The following LCK variants were observed in gnomAD, a reference collection of about 807,000 sequenced individuals.
LCK encodes LCK proto-oncogene, Src family tyrosine kinase, also known as tyrosine-protein kinase Lck.
A neutral mutation model predicts 64.6 loss-of-function variants in LCK; 14 were observed. That is an observed-to-expected ratio of 0.22 (90% CI 0.14 to 0.34). LCK has a LOEUF of 0.34. Ranked by LOEUF, LCK falls within the 10% of genes least tolerant of loss-of-function variation. LCK has a pLI of 1.00. For missense variants in LCK, 434 were observed against 668.1 expected (o/e 0.65, Z 3.86); for synonymous variants, 277 against 263.6 (o/e 1.05, Z -0.49).
In LCK at chr1:32,285,720, G is replaced by A; in HGVS notation, c.*4G>A. The A allele has an allele frequency of 6.3e-7, 1 of 1,581,694 alleles. No individual in the cohort carries two copies. The highest frequency in any genetic ancestry group is 8.6e-7 in the Non-Finnish European group (1 of 1,163,714). On this transcript the variant is annotated 3_prime_UTR_variant, in exon 13 of 13. Coordinates refer to ENST00000336890, the MANE Select transcript of LCK (RefSeq NM_005356.5). The stretch of plus-strand genomic sequence containing the variant: ...CCAGTACCAGCCTCAGCCTTGAGAG[G>A]CCTTGAGAGGCCCTGGGGTTCTCCC...
At chr1:32,271,700 G>C (rs970579196) in intron 1 of LCK, among the ~76,000 whole-genome samples, 3 of 152,158 alleles carry the variant, frequency 2.0e-5, no homozygotes, top group Non-Finnish European at 4.4e-5. Flanking sequence ...TGGAGATTAG[G>C]CTTGCTGGTT....
rs201482516 is a variant in LCK, at chr1:32,284,289, C to A, written c.1328-1225C>A. ...ATATATATCTGTGAGATATATATAT[C>A]TGTGAGATATATATATATCTGTGAG... On this transcript the variant is annotated intron_variant, in intron 12 of 12. Coordinates refer to ENST00000336890, the MANE Select transcript of LCK (RefSeq NM_005356.5). Among the ~76,000 whole-genome samples, 24 of 142,690 alleles carry A rather than the reference C, an allele frequency of 1.7e-4. No homozygotes were observed. The East Asian group carries it at 5.3e-3, about 31-fold the overall frequency. The allele number at this position is 142,690 out of a possible 152,430, so 93.6% of individuals were successfully genotyped here.
rs1321421241 is a variant in LCK at position 32,286,120 on chromosome 1, T to C, written c.*404T>C. ...GTGTGCTCCTCCTTGGTGCCTGGCC[T>C]GGCACACATCAGGAGTTCAATAAAT... On this transcript the variant is annotated 3_prime_UTR_variant, in exon 13 of 13. Transcript: ENST00000336890. 1 of 306,262 alleles carries C rather than the reference T, an allele frequency of 3.3e-6. No homozygotes were observed. The highest frequency in any genetic ancestry group is 6.2e-6 in the Non-Finnish European group (1 of 160,910). The allele number at this position is 306,262 out of a possible 1,614,324, so 19.0% of individuals were successfully genotyped here.
intron 1 of LCK, among the ~76,000 whole-genome samples, chr1:32,260,545 A>G (rs1639741699): frequency 6.6e-6 from 1 of 152,190 alleles, no homozygotes; most frequent in Non-Finnish European, 1.5e-5. Flanking sequence ...TTTGTGCTCT[A>G]CATGTTCAGA....
chr1:32,281,292 CA>C (rs991446557), intron 12 of LCK, among the ~76,000 whole-genome samples: 8 of 142,762 alleles, frequency 5.6e-5, no homozygotes, highest in African/African-American at 1.3e-4. Context: ...AACAAACAAA[CA>C]AAAAAAACAT....
chr1:32,257,235 GTT>G (rs1250027939), intron 1 of LCK, among the ~76,000 whole-genome samples: 1 of 134,646 alleles, frequency 7.4e-6, no homozygotes, highest in African/African-American at 2.7e-5. Flanking sequence ...AGTAAGTCTT[GTT>G]TTTTTTTTTT....
chr1:32,285,887 G>A lies in LCK; in HGVS notation c.*171G>A, dbSNP rs568483781. On this transcript the variant is annotated 3_prime_UTR_variant, in exon 13 of 13. Coordinates refer to ENST00000336890, the MANE Select transcript of LCK (RefSeq NM_005356.5). ...GTCTGTACACGTGTCCTGTAGTTGC[G>A]TGGACTCTGCACATGTCTTGTACAT... The A allele has an allele frequency of 6.0e-5, 40 of 669,138 alleles. No individual in the cohort carries two copies. The highest frequency in any genetic ancestry group is 1.8e-4 in the African/African-American group (10 of 55,792). The allele number at this position is 669,138 out of a possible 1,614,324, so 41.5% of individuals were successfully genotyped here. A position where few individuals can be genotyped will look rare whatever the true frequency, so the allele number is the denominator to read the frequency against.
chr1:32,278,143 C>T (rs1640338424), intron 9 of LCK, among the ~76,000 whole-genome samples: 1 of 152,170 alleles, frequency 6.6e-6, no homozygotes, highest in Non-Finnish European at 1.5e-5. Context: ...TGCACCACTG[C>T]ACTCCAACCT....
rs4012161 is a variant in LCK, at chr1:32,251,894, A to AAGAGAGAGAGAGAG, written c.-6+553_-6+566dup. Among the ~76,000 whole-genome samples the AAGAGAGAGAGAGAG allele has an allele frequency of 1.9e-4, 25 of 132,338 alleles. No individual in the cohort carries two copies. The highest frequency in any genetic ancestry group is 6.0e-4 in the African/African-American group (21 of 35,242). 86.8% of individuals were successfully genotyped at this position (132,338 alleles called of 152,430 possible). On this transcript the variant is annotated intron_variant, in intron 1 of 12. Transcript: ENST00000336890. The surrounding 1 kb of genome is among the most constrained non-coding windows in gnomAD (Gnocchi z 4.0). ...CCCCAGTGACAAGAATCTCCTGAGAAAGAGAGAGAGAGAGAGAGAGAGAGA... is the reference window on the plus strand; with the variant it reads ...CCCCAGTGACAAGAATCTCCTGAGAAAGAGAGAGAGAGAGAGAGAGAGAGAGAGAGAGAGAGAGA...
intron 2 of LCK, 29 bp downstream of exon 2, chr1:32,274,463 G>A: frequency 1.9e-6 from 3 of 1,576,386 alleles, no homozygotes; most frequent in Non-Finnish European, 2.6e-6. Flanking sequence ...GCCTTGGTGA[G>A]GGAGTTGGGT....
In LCK at chr1:32,275,623, C is replaced by T; in HGVS notation, c.432C>T (p.Pro144=). 6.4e-7 allele frequency: 1 copy of T among 1,573,504 alleles called. No individual in the cohort carries two copies. Among genetic ancestry groups the T allele is most frequent in the Non-Finnish European group, 8.6e-7 (1 of 1,159,976 alleles). ...ACGCGGAGCGGCAGCTCCTGGCGCC[C>T]GGGAACACTCACGGCTCCTTCCTCA... ...RKDAERQLLA[P]GNTHGSFLIR... Residue 144 remains proline (P), a synonymous_variant, in exon 6 of 13, where the codon CCC becomes CCT. Coordinates refer to ENST00000336890, the MANE Select transcript of LCK (RefSeq NM_005356.5). The surrounding 1 kb of genome is among the most constrained non-coding windows in gnomAD (Gnocchi z 6.9).
chr1:32,280,437 C>A (rs140531922), intron 12 of LCK, among the ~76,000 whole-genome samples: 21 of 104,832 alleles, frequency 2.0e-4, no homozygotes, highest in Non-Finnish European at 3.6e-4. Flanking sequence ...CTCTTTTTTT[C>A]TTTTTCTTTT....
At position 32,275,943 on chromosome 1, in the gene LCK, G is replaced by T; in HGVS notation, c.511G>T (p.Asp171Tyr). 21 of 1,614,092 alleles carry T rather than the reference G, an allele frequency of 1.3e-5. No individual in the cohort carries two copies. The highest frequency in any genetic ancestry group is 1.8e-5 in the Non-Finnish European group (21 of 1,180,004). The change falls in exon 7 of 13, where the codon GAC (aspartate) becomes TAC (tyrosine). Residue 171 changes from aspartate (D) to tyrosine (Y), a missense_variant. This residue lies in a region of LCK where 233 missense variants were observed against 291.2 expected (regional missense o/e 0.80). Coordinates refer to ENST00000336890, the MANE Select transcript of LCK (RefSeq NM_005356.5). The surrounding 1 kb of genome is among the most constrained non-coding windows in gnomAD (Gnocchi z 6.9). ...GSFSLSVRDF[D>Y]QNQGEVVKHY... ...GTTTTCACTGTCGGTCCGGGACTTC[G>T]ACCAGAACCAGGGAGAGGTGGTGAA...
Position 32,279,923 on chromosome 1 carries a change from C to T in LCK, c.1124C>T (p.Thr375Ile), listed in dbSNP as rs1640399752. Residue 375 changes from threonine (T) to isoleucine (I), a missense_variant, in exon 11 of 13, where the codon ACC (threonine) becomes ATC (isoleucine). Around this residue, in one of 2 missense-constraint regions of LCK, gnomAD observed 201 missense variants for 376.9 expected, o/e 0.53. Coordinates refer to ENST00000336890, the MANE Select transcript of LCK (RefSeq NM_005356.5). The part of the protein sequence containing the change: ...LRAANILVSD[T>I]LSCKIADFGL... Reference sequence around the variant, plus strand: ...GCTGCCAACATTCTGGTGTCTGACACCCTGAGCTGCAAGATTGCAGACTTT... The same window carrying T: ...GCTGCCAACATTCTGGTGTCTGACATCCTGAGCTGCAAGATTGCAGACTTT... The T allele has an allele frequency of 6.2e-7, 1 of 1,614,168 alleles. No individual in the cohort carries two copies. Among genetic ancestry groups the T allele is most frequent in the Non-Finnish European group, 8.5e-7 (1 of 1,180,030 alleles).
chr1:32,251,894 AAGAGAGAGAGAGAGAGAGAGAGAG>A lies in LCK; in HGVS notation c.-6+543_-6+566del. 7.6e-6 allele frequency among the ~76,000 whole-genome samples: 1 copy of A among 132,342 alleles called. No homozygotes were observed. The highest frequency in any genetic ancestry group is 3.7e-3 in the Middle Eastern group (1 of 270). 86.8% of individuals were successfully genotyped at this position (132,342 alleles called of 152,430 possible). On this transcript the variant is annotated intron_variant, in intron 1 of 12. Coordinates refer to ENST00000336890, the MANE Select transcript of LCK (RefSeq NM_005356.5). This position sits in a 1 kb window ranked among gnomAD's most constrained non-coding sequence, Gnocchi z 4.0. The stretch of plus-strand genomic sequence containing the variant: ...CCCCAGTGACAAGAATCTCCTGAGA[AAGAGAGAGAGAGAGAGAGAGAGAG>A]AGAGAGAGAGAGAGAGAGACAGAGA...
rs772837534 is a variant in LCK at position 32,276,075 on chromosome 1, G to A, written c.631+12G>A. 5.0e-6 allele frequency: 8 copies of A among 1,613,610 alleles called. No individual in the cohort carries two copies. Among genetic ancestry groups the A allele is most frequent in the South Asian group, 1.1e-5 (1 of 91,046 alleles). ...CCGCCATTACACCAGTGAGCCCGAC[G>A]GGACCCCTCCCCCGTGCCCTATCAG... On this transcript the variant is annotated intron_variant, in intron 7 of 12. Transcript: ENST00000336890. This position sits in a 1 kb window ranked among gnomAD's most constrained non-coding sequence, Gnocchi z 4.6.
intron 12 of LCK, among the ~76,000 whole-genome samples, chr1:32,284,333 T>G (rs191128128): frequency 1.4e-5 from 2 of 146,960 alleles, no homozygotes; most frequent in South Asian, 2.1e-4. Flanking sequence ...ATATGTGAGA[T>G]ATATATATAA....
At chr1:32,283,754 C>T (rs1012574510) in intron 12 of LCK, among the ~76,000 whole-genome samples, 1 of 152,176 alleles carries the variant, frequency 6.6e-6, no homozygotes, top group Non-Finnish European at 1.5e-5. Flanking sequence ...TGCAGGATGT[C>T]ATGTGCCTGG....
intron 1 of LCK, among the ~76,000 whole-genome samples, chr1:32,256,166 T>C (rs55702303): frequency 0.093 from 14,050 of 151,624 alleles, 1,066 homozygotes; most frequent in East Asian, 0.23. Context: ...ATAGATGGAG[T>C]CTTGCTCTGT....
Sources: allele counts gnomAD v4.1 joint callset (sites outside exome capture counted in the v4.1 genomes callset), GRCh38; gene constraint gnomAD v4.1.1; regional missense constraint gnomAD v4.1.1; non-coding constraint Gnocchi (gnomAD v3.1); transcripts MANE v1.5; gene names NCBI Gene and HGNC (gene_info 2026-07-23, HGNC 2026-07-21).